PPIL4: variants seen among roughly 807,000 people sequenced by gnomAD.
PPIL4 encodes peptidylprolyl isomerase like 4.
PPIL4 carries 50 observed loss-of-function variants against 69.1 expected under a neutral mutation model. That is an observed-to-expected ratio of 0.72 (90% CI 0.58 to 0.92). PPIL4 has a LOEUF of 0.92. PPIL4 is among the 40% of genes least tolerant of loss of function. The pLI is 0.00. For synonymous variants in PPIL4, 193 were observed against 191.6 expected, an observed-to-expected ratio of 1.01 and a Z score of -0.06; for missense variants, 480 against 587.9, an observed-to-expected ratio of 0.82 and a Z score of 1.90.
At position 149,535,647 on chromosome 6, in the gene PPIL4, T is replaced by A; in HGVS notation, c.413A>T (p.Lys138Ile). 1 of 1,612,498 alleles carries A rather than the reference T, an allele frequency of 6.2e-7. No homozygotes were observed. Residue 138 changes from lysine to isoleucine, a missense_variant, in exon 5 of 13, where the codon AAA becomes ATA. Lys to Ile is a moderately radical substitution (Grantham distance 102). Coordinates refer to ENST00000253329, the MANE Select transcript of PPIL4 (RefSeq NM_139126.4). The stretch of plus-strand genomic sequence containing the variant: ...CTTGTCAACAAAGGTCTCATTAATT[T>A]TCTTAATTATGTCCATGCCTTCTGT... The part of the protein sequence containing the change: ...EVTEGMDIIK[K>I]INETFVDKDF...
At chr6:149,519,446 A>C (rs1255384867) in intron 10 of PPIL4, among the ~76,000 whole-genome samples, 4 of 152,196 alleles carry the variant, frequency 2.6e-5, no homozygotes, top group African/African-American at 4.8e-5. Flanking sequence ...ACTTACTGGA[A>C]TCTTTCATTC....
intron 7 of PPIL4, among the ~76,000 whole-genome samples, chr6:149,530,337 G>A (rs995417293): frequency 5.3e-5 from 8 of 152,072 alleles, no homozygotes; most frequent in African/African-American, 1.7e-4. Context: ...CATGAGACAC[G>A]GATAATGAAC....
intron 12 of PPIL4, among the ~76,000 whole-genome samples, chr6:149,506,959 TC>T (rs1776779579): frequency 6.6e-6 from 1 of 152,196 alleles, no homozygotes; most frequent in Admixed American, 6.5e-5. Flanking sequence ...ACTGGTAGAA[TC>T]CTTTGCCCCA....
At chr6:149,534,596 T>A in intron 6 of PPIL4, 82 bp downstream of exon 6, 1 of 737,662 alleles carries the variant, frequency 1.4e-6, no homozygotes, top group Non-Finnish European at 2.2e-6. Context: ...TCGGAAAAAA[T>A]TAACTTTAAC....
At chr6:149,545,914 G>A (rs1400047411) in intron 1 of PPIL4, 22 bp downstream of exon 1, 2 of 1,570,322 alleles carry the variant, frequency 1.3e-6, no homozygotes, top group Non-Finnish European at 1.7e-6. Context: ...CCGGCGACAG[G>A]TGAGTGGGGC....
intron 4 of PPIL4, among the ~76,000 whole-genome samples, chr6:149,539,186 G>A (rs1777323885): frequency 6.6e-6 from 1 of 152,166 alleles, no homozygotes. Context: ...TGGTGAAGAT[G>A]CTATGATAAC....
intron 7 of PPIL4, 68 bp downstream of exon 7, chr6:149,533,390 G>C: frequency 1.1e-6 from 1 of 879,880 alleles, no homozygotes; most frequent in Non-Finnish European, 1.8e-6. Flanking sequence ...TGAAGAGCCA[G>C]AAATAAACAC....
At chr6:149,538,447 G>A (rs1293076367) in intron 4 of PPIL4, among the ~76,000 whole-genome samples, 1 of 152,064 alleles carries the variant, frequency 6.6e-6, no homozygotes, top group Non-Finnish European at 1.5e-5. Context: ...GCAACGTAGT[G>A]AGGCCCCATC....
intron 4 of PPIL4, among the ~76,000 whole-genome samples, chr6:149,537,835 G>A (rs1027024757): frequency 4.6e-5 from 7 of 152,310 alleles, no homozygotes; most frequent in Middle Eastern, 3.4e-3. Flanking sequence ...GTTGAGACCT[G>A]CCGCTCAGAA....
intron 11 of PPIL4, among the ~76,000 whole-genome samples, chr6:149,516,575 T>A (rs1039032142): frequency 6.6e-6 from 1 of 152,054 alleles, no homozygotes; most frequent in Non-Finnish European, 1.5e-5. Context: ...ATGTGTGGAG[T>A]GATATATTTA....
intron 1 of PPIL4, among the ~76,000 whole-genome samples, chr6:149,542,384 T>G (rs905497866): frequency 6.6e-6 from 1 of 152,212 alleles, no homozygotes; most frequent in Non-Finnish European, 1.5e-5. Context: ...AAACATTTAC[T>G]GAGTACCTTC....
intron 4 of PPIL4, among the ~76,000 whole-genome samples, chr6:149,539,396 A>G (rs1242112440): frequency 6.6e-6 from 1 of 151,550 alleles, no homozygotes; most frequent in East Asian, 2.0e-4. Context: ...TTATTTATTT[A>G]TTTGCAAGAC....
At chr6:149,539,595 G>C (rs908976924) in intron 4 of PPIL4, among the ~76,000 whole-genome samples, 14 of 152,038 alleles carry the variant, frequency 9.2e-5, no homozygotes, top group Admixed American at 7.9e-4. Context: ...TCCTGGGCTG[G>C]TCTCGAAATC....
chr6:149,538,306 G>A (rs548529125), intron 4 of PPIL4, among the ~76,000 whole-genome samples: 115 of 151,928 alleles, frequency 7.6e-4, no homozygotes, highest in Non-Finnish European at 1.3e-3. Flanking sequence ...TAACATAACA[G>A]TCATTCTGCA....
intron 11 of PPIL4, among the ~76,000 whole-genome samples, chr6:149,515,148 T>G (rs1260436900): frequency 1.3e-5 from 2 of 149,998 alleles, no homozygotes; most frequent in African/African-American, 4.9e-5. Context: ...AATTTTTTTT[T>G]TTTTTTTAAG....
intron 1 of PPIL4, among the ~76,000 whole-genome samples, chr6:149,545,091 G>A (rs939829161): frequency 3.9e-5 from 6 of 152,118 alleles, no homozygotes; most frequent in African/African-American, 1.2e-4. Flanking sequence ...TGACCTAGGC[G>A]TATCTGACCA....
At chr6:149,523,349 A>T (rs1777059919) in intron 9 of PPIL4, among the ~76,000 whole-genome samples, 1 of 152,154 alleles carries the variant, frequency 6.6e-6, no homozygotes, top group South Asian at 2.1e-4. Flanking sequence ...ACACATAATC[A>T]AAAAAGAGCT....
intron 1 of PPIL4, among the ~76,000 whole-genome samples, chr6:149,544,297 T>C (rs1377552516): frequency 6.6e-6 from 1 of 152,244 alleles, no homozygotes; most frequent in South Asian, 2.1e-4. Context: ...CCCAGTATTA[T>C]GAGGCAACCA....
intron 10 of PPIL4, chr6:149,517,817 G>A (rs17733403): frequency 0.047 from 7,972 of 170,122 alleles, 240 homozygotes; most frequent in Non-Finnish European, 0.07. Context: ...AAGTTTGAGA[G>A]AAGTGAGACT....
Sources: allele counts gnomAD v4.1 joint callset (sites outside exome capture counted in the v4.1 genomes callset), GRCh38; gene constraint gnomAD v4.1.1; transcripts MANE v1.5; gene names NCBI Gene and HGNC (gene_info 2026-07-23, HGNC 2026-07-21).